Variants in AKR1C8 observed in about 807,000 individuals in gnomAD.
AKR1C8 encodes aldo-keto reductase family 1 member C8.
chr10:5,152,871 ATTTTC>A, the AKR1C8 span, among the ~76,000 whole-genome samples: 1 of 151,304 alleles, frequency 6.6e-6, no homozygotes, highest in Non-Finnish European at 1.5e-5. Context: ...GCGGGGAGAT[ATTTTC>A]TTTTCTTTGT....
At chr10:5,141,587 C>T in the AKR1C8 span, among the ~76,000 whole-genome samples, 9 of 152,212 alleles carry the variant, frequency 5.9e-5, no homozygotes, top group East Asian at 7.7e-4. Flanking sequence ...GTTAAAATTG[C>T]TCCTTTATCC....
chr10:5,181,848 C>T, the AKR1C8 span, among the ~76,000 whole-genome samples: 4,925 of 152,038 alleles, frequency 0.032, 270 homozygotes, highest in African/African-American at 0.11. Context: ...TGTTTTAATC[C>T]ACTTCAAAAG....
chr10:5,184,592 T>C, the AKR1C8 span, among the ~76,000 whole-genome samples: 1 of 152,184 alleles, frequency 6.6e-6, no homozygotes, highest in Non-Finnish European at 1.5e-5. Context: ...GTAGAGTGGC[T>C]CTGACCAGAG....
chr10:5,167,685 C>T, the AKR1C8 span, among the ~76,000 whole-genome samples: 42,297 of 151,858 alleles, frequency 0.28, 6,732 homozygotes, highest in Non-Finnish European at 0.36. Context: ...TGTTAAATGA[C>T]TAGTTACTGG....
At chr10:5,171,989 CT>C in the AKR1C8 span, among the ~76,000 whole-genome samples, 1 of 152,060 alleles carries the variant, frequency 6.6e-6, no homozygotes, top group Non-Finnish European at 1.5e-5. Flanking sequence ...TTTCAGCAAC[CT>C]TTACTTTTGT....
At chr10:5,145,408 C>A in the AKR1C8 span, among the ~76,000 whole-genome samples, 6 of 151,958 alleles carry the variant, frequency 3.9e-5, no homozygotes, top group Non-Finnish European at 7.4e-5. Context: ...AGTGAACAGG[C>A]AACCTACAAA....
the AKR1C8 span, among the ~76,000 whole-genome samples, chr10:5,149,419 C>T: frequency 2.6e-5 from 4 of 152,062 alleles, no homozygotes; most frequent in African/African-American, 7.2e-5. Context: ...TATAAATTGG[C>T]TTTGCTGAAG....
the AKR1C8 span, chr10:5,163,060 C>T: frequency 2.5e-5 from 12 of 482,956 alleles, no homozygotes; most frequent in East Asian, 5.6e-4. Flanking sequence ...CTGCCCAACT[C>T]AAAGAAAATC....
chr10:5,179,680 T>C, the AKR1C8 span, among the ~76,000 whole-genome samples: 1 of 150,820 alleles, frequency 6.6e-6, no homozygotes, highest in Non-Finnish European at 1.5e-5. Flanking sequence ...GTTCTTTTTA[T>C]TCTTTTTTCT....
chr10:5,155,397 G>A, the AKR1C8 span: 570 of 177,900 alleles, frequency 3.2e-3, 27 homozygotes, highest in East Asian at 0.081. Flanking sequence ...CTCATAGGCA[G>A]TGGGCCCTGA....
At chr10:5,133,286 C>T in the AKR1C8 span, among the ~76,000 whole-genome samples, 6 of 152,060 alleles carry the variant, frequency 3.9e-5, no homozygotes, top group East Asian at 7.8e-4. Context: ...TTGGTAGGTA[C>T]GGGGTTTCGC....
At chr10:5,129,021 A>G in the AKR1C8 span, among the ~76,000 whole-genome samples, 1 of 152,138 alleles carries the variant, frequency 6.6e-6, no homozygotes, top group Non-Finnish European at 1.5e-5. Context: ...GATAGACGAT[A>G]TGATAGGCCA....
the AKR1C8 span, among the ~76,000 whole-genome samples, chr10:5,118,446 A>C: frequency 3.4e-5 from 5 of 149,046 alleles, no homozygotes; most frequent in Non-Finnish European, 6.0e-5. Context: ...AGAGTCAAAC[A>C]AGATAGGTCA....
At chr10:5,142,810 A>G in the AKR1C8 span, among the ~76,000 whole-genome samples, 1 of 152,126 alleles carries the variant, frequency 6.6e-6, no homozygotes, top group African/African-American at 2.4e-5. Context: ...ATATTGCAAA[A>G]ATTACTGAAA....
At chr10:5,143,464 C>G in the AKR1C8 span, among the ~76,000 whole-genome samples, 1 of 152,056 alleles carries the variant, frequency 6.6e-6, no homozygotes, top group African/African-American at 2.4e-5. Flanking sequence ...TGATTTCAGG[C>G]CTTCACAGTT....
the AKR1C8 span, among the ~76,000 whole-genome samples, chr10:5,141,858 C>T: frequency 6.6e-6 from 1 of 152,022 alleles, no homozygotes; most frequent in Non-Finnish European, 1.5e-5. Flanking sequence ...GAAATTATAA[C>T]AAAGCATTGG....
chr10:5,136,247 AATTT>A, the AKR1C8 span, among the ~76,000 whole-genome samples: 1 of 152,082 alleles, frequency 6.6e-6, no homozygotes, highest in South Asian at 2.1e-4. Flanking sequence ...TTGGAGGGCA[AATTT>A]GAATGTAATG....
chr10:5,184,232 T>C, the AKR1C8 span, among the ~76,000 whole-genome samples: 3 of 152,158 alleles, frequency 2.0e-5, no homozygotes, highest in African/African-American at 4.8e-5. Context: ...CCTGACCTCA[T>C]AGTTAACAAT....
chr10:5,177,189 G>C, the AKR1C8 span, among the ~76,000 whole-genome samples: 12,994 of 151,762 alleles, frequency 0.086, 667 homozygotes, highest in East Asian at 0.14. Context: ...TAGCATGAAG[G>C]GCTGTTGAAT....
Sources: gnomAD v4.1 joint callset for allele counts (sites outside exome capture counted in the v4.1 genomes callset) on GRCh38, gnomAD v4.1.1 for gene constraint, MANE v1.5 for transcripts, NCBI Gene and HGNC (gene_info 2026-07-23, HGNC 2026-07-21) for gene names.